CCSER1: variants seen among roughly 807,000 people sequenced by gnomAD.
The protein encoded by CCSER1 is serine-rich coiled-coil domain-containing protein 1.
Under a neutral mutation model 82.0 loss-of-function variants are expected in CCSER1, and 41 were observed. The observed-to-expected ratio is 0.50, with a 90% CI of 0.39 to 0.65. CCSER1 has a LOEUF of 0.65. Ranked by LOEUF, CCSER1 falls within the 30% of genes least tolerant of loss-of-function variation. The pLI is 0.00. For synonymous variants in CCSER1, 414 were observed against 383.9 expected (o/e 1.08, Z -0.92); for missense variants, 1,119 against 1,064.2 (o/e 1.05, Z -0.72).
At chr4:90,600,477 T>C (rs550303576) in intron 5 of CCSER1, among the ~76,000 whole-genome samples, 52 of 152,268 alleles carry the variant, frequency 3.4e-4, no homozygotes, top group African/African-American at 1.2e-3. Flanking sequence ...TCTTCTTTAA[T>C]GAAGTATCTT....
intron 10 of CCSER1, among the ~76,000 whole-genome samples, chr4:91,355,664 A>T (rs1030268874): frequency 6.6e-6 from 1 of 152,152 alleles, no homozygotes; most frequent in Non-Finnish European, 1.5e-5. Flanking sequence ...GAGTCCCACA[A>T]TGAGTTTTCT....
intron 4 of CCSER1, among the ~76,000 whole-genome samples, chr4:90,411,042 C>T (rs935857372): frequency 6.6e-5 from 10 of 152,152 alleles, no homozygotes; most frequent in African/African-American, 2.2e-4. Context: ...GGATAAATTC[C>T]TGGACACATA....
At chr4:90,468,511 T>G (rs756897085) in intron 5 of CCSER1, 157 bp downstream of exon 5, 49 of 585,076 alleles carry the variant, frequency 8.4e-5, no homozygotes, top group Non-Finnish European at 1.1e-4. Context: ...TCTTAATGAA[T>G]TAACTTCTGT....
At chr4:90,823,451 G>C (rs1292275386) in intron 8 of CCSER1, among the ~76,000 whole-genome samples, 1 of 152,036 alleles carries the variant, frequency 6.6e-6, no homozygotes. Flanking sequence ...GCTGTAAACT[G>C]TTTGTGTTTC....
intron 1 of CCSER1, among the ~76,000 whole-genome samples, chr4:90,151,447 T>A (rs1240367608): frequency 1.3e-5 from 2 of 152,232 alleles, no homozygotes; most frequent in Middle Eastern, 3.4e-3. Flanking sequence ...TTTGGGTGTC[T>A]TTCTTTGTAA....
At chr4:91,351,865 C>G (rs1030946558) in intron 10 of CCSER1, among the ~76,000 whole-genome samples, 3 of 151,918 alleles carry the variant, frequency 2.0e-5, no homozygotes, top group African/African-American at 7.3e-5. Context: ...TTTGTGTTCT[C>G]CAATCTGAAG....
At chr4:90,165,810 A>G (rs759409106) in intron 1 of CCSER1, among the ~76,000 whole-genome samples, 9 of 152,044 alleles carry the variant, frequency 5.9e-5, no homozygotes, top group Non-Finnish European at 1.2e-4. Flanking sequence ...GCAGTGAAGT[A>G]TGAGGCAAGC....
chr4:91,109,756 A>G (rs1725936554), intron 10 of CCSER1, among the ~76,000 whole-genome samples: 1 of 152,164 alleles, frequency 6.6e-6, no homozygotes, highest in Non-Finnish European at 1.5e-5. Context: ...TATTCATTTC[A>G]GAGTAATTCA....
At chr4:90,213,233 T>C (rs1740365840) in intron 1 of CCSER1, among the ~76,000 whole-genome samples, 1 of 151,868 alleles carries the variant, frequency 6.6e-6, no homozygotes, top group Non-Finnish European at 1.5e-5. Flanking sequence ...TAATATGAAG[T>C]GTGTGAGAAA....
chr4:90,410,932 A>C (rs1370813660), intron 4 of CCSER1, among the ~76,000 whole-genome samples: 3 of 152,248 alleles, frequency 2.0e-5, no homozygotes, highest in African/African-American at 7.2e-5. Context: ...ATAAAAAATG[A>C]CAAAGAGGAT....
At chr4:91,469,758 A>T (rs1757159255) in intron 10 of CCSER1, among the ~76,000 whole-genome samples, 1 of 152,204 alleles carries the variant, frequency 6.6e-6, no homozygotes, top group East Asian at 1.9e-4. Flanking sequence ...CTTATTAATA[A>T]GTGTCTAGAA....
chr4:90,406,242 G>A (rs1231028950), intron 4 of CCSER1, among the ~76,000 whole-genome samples: 2 of 152,102 alleles, frequency 1.3e-5, no homozygotes, highest in Non-Finnish European at 2.9e-5. Flanking sequence ...AAACTTTAAA[G>A]CAACAGCAGT....
chr4:91,193,273 A>G (rs1246221598), intron 10 of CCSER1, among the ~76,000 whole-genome samples: 2 of 152,206 alleles, frequency 1.3e-5, no homozygotes, highest in Non-Finnish European at 2.9e-5. Context: ...GTTTCCCACA[A>G]TGATTTGGTT....
At chr4:90,950,001 C>A (rs897204072) in intron 9 of CCSER1, among the ~76,000 whole-genome samples, 1 of 152,192 alleles carries the variant, frequency 6.6e-6, no homozygotes, top group East Asian at 1.9e-4. Flanking sequence ...TGCTATCATA[C>A]CACACCCCTC....
At chr4:90,170,775 C>T (rs1731512803) in intron 1 of CCSER1, among the ~76,000 whole-genome samples, 1 of 151,656 alleles carries the variant, frequency 6.6e-6, no homozygotes, top group African/African-American at 2.4e-5. Flanking sequence ...TTTTGATGGA[C>T]ATTTAGTTTG....
chr4:90,268,014 GA>G (rs1438454131), intron 1 of CCSER1, among the ~76,000 whole-genome samples: 1 of 151,852 alleles, frequency 6.6e-6, no homozygotes, highest in Non-Finnish European at 1.5e-5. Context: ...AGTGATGAAG[GA>G]AAAAAACCTT....
At chr4:90,233,921 C>G (rs1745229710) in intron 1 of CCSER1, among the ~76,000 whole-genome samples, 1 of 152,088 alleles carries the variant, frequency 6.6e-6, no homozygotes, top group African/African-American at 2.4e-5. Context: ...GCCTTTCTTA[C>G]ATACGTTGTT....
At chr4:91,256,193 C>T (rs1361164469) in intron 10 of CCSER1, among the ~76,000 whole-genome samples, 3 of 152,142 alleles carry the variant, frequency 2.0e-5, no homozygotes, top group Non-Finnish European at 2.9e-5. Flanking sequence ...TATGCAGTTG[C>T]AGATAGGGAT....
chr4:91,010,285 A>C (rs1188005420), intron 9 of CCSER1, among the ~76,000 whole-genome samples: 1 of 152,248 alleles, frequency 6.6e-6, no homozygotes, highest in East Asian at 1.9e-4. Flanking sequence ...TGATAGTCTG[A>C]TGGAGATTAC....
Sources: allele counts gnomAD v4.1 joint callset (sites outside exome capture counted in the v4.1 genomes callset), GRCh38; gene constraint gnomAD v4.1.1; transcripts MANE v1.5; gene names NCBI Gene and HGNC (gene_info 2026-07-23, HGNC 2026-07-21).